The following USP34 variants were observed in gnomAD, a reference collection of about 807,000 sequenced individuals.
USP34 encodes the protein ubiquitin carboxyl-terminal hydrolase 34.
A neutral mutation model predicts 460.3 loss-of-function variants in USP34; 70 were observed. The observed-to-expected ratio is 0.15, with a 90% CI of 0.13 to 0.19. The LOEUF (loss-of-function observed/expected upper bound fraction) is 0.19, where lower values mean the gene tolerates loss of function less well. USP34 is among the 10% of genes least tolerant of loss of function. The pLI, the probability that USP34 is intolerant of heterozygous loss-of-function variation, is 1.00. For synonymous variants in USP34, 1,647 were observed against 1,405.3 expected (o/e 1.17, Z -3.85); for missense variants, 3,985 against 4,236.2 (o/e 0.94, Z 1.65).
At chr2:61,432,421 G>C (rs1558590986) in intron 1 of USP34, among the ~76,000 whole-genome samples, 2 of 152,142 alleles carry the variant, frequency 1.3e-5, no homozygotes, top group East Asian at 3.9e-4. Context: ...AGGCTGCAGT[G>C]AACCAGGAGC....
At chr2:61,427,568 G>A (rs1694548285) in intron 1 of USP34, among the ~76,000 whole-genome samples, 1 of 152,206 alleles carries the variant, frequency 6.6e-6, no homozygotes, top group East Asian at 1.9e-4. Flanking sequence ...GCCGTGTTGA[G>A]GAAACTCAAA....
chr2:61,469,086 AT>A (rs2104129668), intron 1 of USP34, among the ~76,000 whole-genome samples: 1 of 152,214 alleles, frequency 6.6e-6, no homozygotes, highest in South Asian at 2.1e-4. Context: ...GGGAACCTAC[AT>A]TTCCAGCTAC....
chr2:61,352,541 A>C (rs1691970642), intron 10 of USP34, among the ~76,000 whole-genome samples: 2 of 151,916 alleles, frequency 1.3e-5, no homozygotes. Context: ...TGCCCAGTCT[A>C]ATTTTAAAAC....
chr2:61,285,486 CAAAA>C (rs35055379), intron 34 of USP34, among the ~76,000 whole-genome samples: 3 of 108,468 alleles, frequency 2.8e-5, no homozygotes, highest in African/African-American at 3.8e-5. Context: ...GAATCTGTCT[CAAAA>C]AAAAAAAAAA....
intron 58 of USP34, among the ~76,000 whole-genome samples, chr2:61,232,240 A>T (rs904906893): frequency 6.6e-6 from 1 of 152,226 alleles, no homozygotes; most frequent in Admixed American, 6.5e-5. Flanking sequence ...TATCCAGGAA[A>T]TGTGCATAAT....
rs976977194 is a variant in USP34, at chr2:61,470,494, C to T, written c.43+156G>A. ...CCGGGCTGGGCCCGAGGCGCCGCGG[C>T]GGCCGCGCCACCGCGCACCTTCCCG... On this transcript the variant is annotated intron_variant, in intron 1 of 79. Coordinates refer to ENST00000398571, the MANE Select transcript of USP34 (RefSeq NM_014709.4). Among the ~76,000 whole-genome samples, 65 of 147,972 alleles carry T rather than the reference C, an allele frequency of 4.4e-4. 1 individual carries two copies. Among genetic ancestry groups the T allele is most frequent in the African/African-American group, 1.5e-3 (61 of 41,026 alleles).
chr2:61,283,391 A>G lies in USP34; in HGVS notation c.4873+18T>C, dbSNP rs1208062212. The G allele has an allele frequency of 1.3e-6, 2 of 1,594,688 alleles. No homozygotes were observed. The highest frequency in any genetic ancestry group is 2.7e-5 in the African/African-American group (2 of 73,722). ...TCAAGTTTTTATTTATTAAAAGTTA[A>G]CTTTGTGGAACCCTTACCTTCATGT... On this transcript the variant is annotated intron_variant, in intron 36 of 79. Transcript: ENST00000398571.
At chr2:61,445,863 G>A (rs1335832861) in intron 1 of USP34, among the ~76,000 whole-genome samples, 8 of 151,484 alleles carry the variant, frequency 5.3e-5, no homozygotes, top group South Asian at 2.1e-4. Context: ...CAGAAGTATC[G>A]CTTGAACCTG....
intron 75 of USP34, chr2:61,199,945 AAAAAT>A (rs1190849681): frequency 5.2e-5 from 8 of 152,388 alleles, no homozygotes; most frequent in Admixed American, 3.9e-4. Flanking sequence ...TTAAATTCTA[AAAAAT>A]AAAATAAAAA....
chr2:61,301,360 A>C lies in USP34; in HGVS notation c.3912T>G (p.Asp1304Glu). The change falls in exon 28 of 80, where the codon GAT becomes GAG. Residue 1304 changes from aspartate (D) to glutamate (E), a missense_variant. Around this residue, in one of 14 missense-constraint regions of USP34, gnomAD observed 1,114 missense variants for 1,122.5 expected, o/e 0.99. Coordinates refer to ENST00000398571, the MANE Select transcript of USP34 (RefSeq NM_014709.4). Reference sequence around the variant, plus strand: ...CCACGTTTTATATATGTACCTGCATATCCTTAAAACCAAGCTCATGAAGTG... The same window carrying C: ...CCACGTTTTATATATGTACCTGCATCTCCTTAAAACCAAGCTCATGAAGTG... ...EKALHELGFK[D>E]MQMVFVSLGA... 1 of 1,613,662 alleles carries C rather than the reference A, an allele frequency of 6.2e-7. No individual in the cohort carries two copies. Among genetic ancestry groups the C allele is most frequent in the Non-Finnish European group, 8.5e-7 (1 of 1,179,918 alleles).
chr2:61,312,714 T>C (rs1027857457), intron 25 of USP34, among the ~76,000 whole-genome samples: 1 of 152,138 alleles, frequency 6.6e-6, no homozygotes, highest in Non-Finnish European at 1.5e-5. Flanking sequence ...AATTAATAAT[T>C]TGTTGTTATC....
rs553429449 is a variant in USP34 at position 61,379,811 on chromosome 2, T to C, written c.1014+358A>G. ...TAAAATTTGGCCTACGGCCCAATAA[T>C]CTATGGTTTCTGCCTGGAAAATTAA... On this transcript the variant is annotated intron_variant, in intron 7 of 79. Transcript: ENST00000398571. 1.4e-4 allele frequency among the ~76,000 whole-genome samples: 22 copies of C among 152,386 alleles called. No homozygotes were observed. The South Asian group carries it at 4.3e-3, about 30-fold the overall frequency.
chr2:61,322,935 T>G (rs562863959), intron 21 of USP34, among the ~76,000 whole-genome samples: 11 of 149,530 alleles, frequency 7.4e-5, no homozygotes, highest in African/African-American at 2.2e-4. Context: ...GAATCACCAA[T>G]CCACATTCAA....
intron 1 of USP34, among the ~76,000 whole-genome samples, chr2:61,426,412 T>G (rs1694512619): frequency 6.6e-6 from 1 of 152,076 alleles, no homozygotes; most frequent in Non-Finnish European, 1.5e-5. Context: ...CATGACAAGC[T>G]GACTTCAGAG....
intron 21 of USP34, among the ~76,000 whole-genome samples, chr2:61,320,668 C>T (rs1423194993): frequency 1.3e-5 from 2 of 151,356 alleles, no homozygotes; most frequent in African/African-American, 2.4e-5. Context: ...AGTTTGAGAC[C>T]GGTCTGGGCA....
chr2:61,297,745 C>CT (rs1205895170), intron 29 of USP34, among the ~76,000 whole-genome samples: 3 of 151,988 alleles, frequency 2.0e-5, no homozygotes, highest in African/African-American at 7.3e-5. Flanking sequence ...GCAAGAAAAT[C>CT]TTTATTTTTT....
At chr2:61,208,703 T>C (rs768502019) in intron 70 of USP34, 196 bp downstream of exon 70, 5 of 340,388 alleles carry the variant, frequency 1.5e-5, no homozygotes, top group East Asian at 4.4e-5. Flanking sequence ...GGAATTACTA[T>C]GGAAAAAGGA....
Position 61,265,205 on chromosome 2 carries a change from T to C in USP34, c.5778+192A>G, listed in dbSNP as rs536004619. On this transcript the variant is annotated intron_variant, in intron 43 of 79. Transcript: ENST00000398571. ...GTGTTTTCCTTTGAGAACTAAACTG[T>C]ACTACAGCATTATGAGTAATCTACT... is the stretch of plus-strand genomic sequence containing the variant. 20 of 610,086 alleles carry C rather than the reference T, an allele frequency of 3.3e-5. No individual in the cohort carries two copies. In the East Asian group the frequency reaches 5.6e-4, roughly 17 times the overall value. 37.8% of individuals were successfully genotyped at this position (610,086 alleles called of 1,614,324 possible). A position where few individuals can be genotyped will look rare whatever the true frequency, so the allele number is the denominator to read the frequency against.
At chr2:61,369,262 T>A (rs1052617670) in intron 10 of USP34, among the ~76,000 whole-genome samples, 3 of 152,204 alleles carry the variant, frequency 2.0e-5, no homozygotes, top group East Asian at 1.9e-4. Context: ...TACTTGTAAG[T>A]AAGAATTTAT....
Sources: gnomAD v4.1 joint callset for allele counts (sites outside exome capture counted in the v4.1 genomes callset) on GRCh38, gnomAD v4.1.1 for gene constraint, gnomAD v4.1.1 regional missense constraint, MANE v1.5 for transcripts, NCBI Gene and HGNC (gene_info 2026-07-23, HGNC 2026-07-21) for gene names.